VRK2: variants seen among roughly 807,000 people sequenced by gnomAD.
VRK2 encodes the protein VRK serine/threonine kinase 2.
VRK2 carries 60 observed loss-of-function variants against 57.6 expected under a neutral mutation model. The ratio of observed to expected loss-of-function variants is 1.04; its 90% CI spans 0.85 to 1.29. The LOEUF (loss-of-function observed/expected upper bound fraction) is 1.29, where lower values mean the gene tolerates loss of function less well. Ranked by LOEUF, VRK2 falls within the 50% of genes most tolerant of loss-of-function variation. The probability of loss-of-function intolerance (pLI) is 0.00; values close to 1 mark genes in which losing one functional copy is unlikely to be tolerated. For missense variants in VRK2, 705 were observed against 588.1 expected (o/e 1.20, Z -2.06); for synonymous variants, 231 against 199.2 (o/e 1.16, Z -1.35).
chr2:58,061,967 T>A (rs1020346665), intron 2 of VRK2, among the ~76,000 whole-genome samples: 2 of 152,068 alleles, frequency 1.3e-5, no homozygotes, highest in Admixed American at 6.6e-5. Context: ...TACCTTGTCT[T>A]ATTGCACATC....
chr2:58,035,456 A>G (rs1180429611), intron 3 of VRK2, among the ~76,000 whole-genome samples: 1 of 151,950 alleles, frequency 6.6e-6, no homozygotes, highest in East Asian at 1.9e-4. Flanking sequence ...AAAACTCAAG[A>G]GTATCTATGT....
chr2:58,066,755 T>C (rs1668667374), intron 2 of VRK2, among the ~76,000 whole-genome samples: 1 of 152,194 alleles, frequency 6.6e-6, no homozygotes, highest in African/African-American at 2.4e-5. Flanking sequence ...TCACTTTCTT[T>C]AGTGGTTATT....
intron 7 of VRK2, among the ~76,000 whole-genome samples, chr2:58,092,212 CAGG>C (rs1185077010): frequency 1.3e-5 from 2 of 152,084 alleles, no homozygotes; most frequent in African/African-American, 2.4e-5. Context: ...CTCCCAGCCC[CAGG>C]AGATGATTTC....
At chr2:58,093,950 G>A (rs1013471473) in intron 7 of VRK2, among the ~76,000 whole-genome samples, 5 of 152,106 alleles carry the variant, frequency 3.3e-5, no homozygotes, top group Admixed American at 1.3e-4. Flanking sequence ...GTTTTTGTCA[G>A]GTTTCTCAAA....
At chr2:57,960,044 T>G in intron 1 of VRK2, among the ~76,000 whole-genome samples, 1 of 99,290 alleles carries the variant, frequency 1.0e-5, no homozygotes. Flanking sequence ...GAGAGAGAGG[T>G]GTGTGTGTTG....
intron 1 of VRK2, among the ~76,000 whole-genome samples, chr2:57,912,701 T>C (rs1670026838): frequency 6.6e-6 from 1 of 152,220 alleles, no homozygotes; most frequent in African/African-American, 2.4e-5. Context: ...GGCAGCCAAA[T>C]AGCTTCTGGT....
At chr2:58,043,021 A>G (rs1056398803), upstream of VRK2, among the ~76,000 whole-genome samples, 3 of 152,204 alleles carry the variant, frequency 2.0e-5, no homozygotes, top group African/African-American at 7.2e-5. Context: ...CTTAAAAAAA[A>G]CACATATTCT....
chr2:57,933,876 T>C (rs145668923), intron 1 of VRK2, among the ~76,000 whole-genome samples: 66 of 152,296 alleles, frequency 4.3e-4, no homozygotes, highest in African/African-American at 1.6e-3. Flanking sequence ...TGGATTCTCT[T>C]TGTCTTTTGT....
At chr2:58,152,811 C>G (rs574803217) in intron 12 of VRK2, among the ~76,000 whole-genome samples, 4 of 152,002 alleles carry the variant, frequency 2.6e-5, no homozygotes, top group African/African-American at 9.6e-5. Flanking sequence ...ATACCCTTAC[C>G]TACCCTTTCA....
rs546665607 is a variant in VRK2, at chr2:57,962,010, C to G, written c.-439+54171C>G. 3.3e-5 allele frequency among the ~76,000 whole-genome samples: 5 copies of G among 152,258 alleles called. No homozygotes were observed. The East Asian group carries it at 9.7e-4, about 29-fold the overall frequency. On this transcript the variant is annotated intron_variant, in intron 1 of 15. Coordinates refer to the VRK2 transcript ENST00000417641. ...GAGGATCGTTTGAGCCCAAGAGGTT[C>G]AGGCTATACTAAGCCGTGATTGCGC...
At chr2:58,048,232 A>G (rs1675159386) in intron 1 of VRK2, among the ~76,000 whole-genome samples, 2 of 152,214 alleles carry the variant, frequency 1.3e-5, no homozygotes, top group Non-Finnish European at 2.9e-5. Flanking sequence ...TAAGAAGACA[A>G]AATGCTGAGA....
At chr2:58,083,288 C>T (rs1200444624) in intron 2 of VRK2, among the ~76,000 whole-genome samples, 6 of 151,552 alleles carry the variant, frequency 4.0e-5, no homozygotes, top group Admixed American at 3.3e-4. Context: ...GAACAAATGA[C>T]GAAGTTTTAG....
At chr2:58,037,032 C>T (rs72810317) in intron 3 of VRK2, among the ~76,000 whole-genome samples, 13,168 of 151,872 alleles carry the variant, frequency 0.087, 613 homozygotes, top group East Asian at 0.1. Flanking sequence ...TTGTCCTGGA[C>T]TCAAGCCATC....
chr2:58,036,862 G>C (rs151131688), intron 3 of VRK2, among the ~76,000 whole-genome samples: 2 of 152,120 alleles, frequency 1.3e-5, no homozygotes, highest in Non-Finnish European at 2.9e-5. Flanking sequence ...TAGCCACTAG[G>C]TACATGTGGC....
intron 1 of VRK2, among the ~76,000 whole-genome samples, chr2:57,928,904 C>T (rs1670628769): frequency 6.6e-6 from 1 of 152,190 alleles, no homozygotes; most frequent in Non-Finnish European, 1.5e-5. Flanking sequence ...TTCTCCCAAA[C>T]AAGTGGAGTC....
chr2:58,018,132 A>G (rs1418544807), intron 1 of VRK2: 1 of 152,122 alleles, frequency 6.6e-6, no homozygotes, highest in Admixed American at 6.6e-5. Flanking sequence ...AGCTGGGATT[A>G]CAGGTGCACG....
At chr2:58,115,395 G>A (rs562668577) in intron 7 of VRK2, among the ~76,000 whole-genome samples, 1 of 152,258 alleles carries the variant, frequency 6.6e-6, no homozygotes, top group East Asian at 1.9e-4. Flanking sequence ...ATATGCGTCA[G>A]GTATGAGGAA....
intron 1 of VRK2, among the ~76,000 whole-genome samples, chr2:57,952,379 G>A (rs1671454262): frequency 6.6e-6 from 1 of 152,094 alleles, no homozygotes; most frequent in African/African-American, 2.4e-5. Flanking sequence ...TATTTTTAGA[G>A]ATCTTAATAG....
chr2:58,106,376 T>G (rs1428681188), intron 7 of VRK2, among the ~76,000 whole-genome samples: 1 of 152,022 alleles, frequency 6.6e-6, no homozygotes, highest in African/African-American at 2.4e-5. Context: ...GATGTTTTGC[T>G]AAAAGAACCA....
Sources: gnomAD v4.1 joint callset for allele counts (sites outside exome capture counted in the v4.1 genomes callset) on GRCh38, gnomAD v4.1.1 for gene constraint, MANE v1.5 for transcripts, NCBI Gene and HGNC (gene_info 2026-07-23, HGNC 2026-07-21) for gene names.